The following SRSF5 variants were observed in gnomAD, a reference collection of about 807,000 sequenced individuals.
SRSF5 encodes serine and arginine rich splicing factor 5, also known as serine/arginine-rich splicing factor 5.
In SRSF5, 5 loss-of-function variants were observed where a neutral mutation model predicts 34.0. That is an observed-to-expected ratio of 0.15 (90% CI 0.08 to 0.31). SRSF5 has a LOEUF of 0.31. Among genes scored for constraint, SRSF5 ranks in the 10% least tolerant of loss-of-function variants. The pLI is 1.00. For missense variants in SRSF5, 223 were observed against 351.4 expected (o/e 0.63, Z 2.92); for synonymous variants, 164 against 117.7 (o/e 1.39, Z -2.55).
intron 5 of SRSF5, 174 bp downstream of exon 5, chr14:69,769,425 A>G: frequency 6.6e-7 from 1 of 1,522,450 alleles, no homozygotes; most frequent in Non-Finnish European, 8.8e-7. Context: ...CTTTAATATT[A>G]GTGATCAAAT....
At position 69,771,451 on chromosome 14, in the gene SRSF5, G is replaced by T. The variant is rs1883200831; in HGVS notation, c.809G>T (p.Ser270Ile). 1 of 1,613,954 alleles carries T rather than the reference G, an allele frequency of 6.2e-7. No individual in the cohort carries two copies. Among genetic ancestry groups the T allele is most frequent in the Non-Finnish European group, 8.5e-7 (1 of 1,179,934 alleles). ...RSRSRSRSVD[S>I]GN is the part of the protein sequence containing the mutation. ...CGATCAAGGTCCAGATCAGTTGACA[G>T]TGGCAATTAAACTGTAAATAACTTG... The change falls in exon 8 of 8, where the codon AGT (serine) becomes ATT (isoleucine). Residue 270 changes from serine to isoleucine, a missense_variant. Ser to Ile is a moderately radical substitution (Grantham distance 142). Coordinates refer to ENST00000557154, the MANE Select transcript of SRSF5 (RefSeq NM_001320214.2).
In SRSF5 at chr14:69,771,263, T is replaced by C. The variant is rs1011892741; in HGVS notation, c.621T>C (p.Arg207=). Residue 207 remains arginine (R), a synonymous_variant, in exon 8 of 8, where the codon CGT becomes CGC. Coordinates refer to ENST00000557154, the MANE Select transcript of SRSF5 (RefSeq NM_001320214.2). The part of the protein sequence containing the change: ...SSRSRSRSRS[R]SRKSYSRSRS... ...GGTCTCGTAGCCGATCCCGTTCCCG[T>C]AGTCGCAAATCTTACAGCCGGTCAA... The C allele has an allele frequency of 2.3e-5, 37 of 1,613,998 alleles. No individual in the cohort carries two copies. The highest frequency in any genetic ancestry group is 3.1e-5 in the Non-Finnish European group (36 of 1,180,028).
intron 1 of SRSF5, 90 bp from the exon 2 acceptor site, chr14:69,768,048 A>G (rs1882746371): frequency 2.1e-6 from 3 of 1,458,348 alleles, no homozygotes; most frequent in East Asian, 2.3e-5. Context: ...CTGTGTAAAC[A>G]TTTTATGCCG....
intron 4 of SRSF5, 128 bp from the exon 5 acceptor site, chr14:69,769,054 G>A: frequency 7.6e-7 from 1 of 1,324,002 alleles, no homozygotes; most frequent in East Asian, 2.4e-5. Context: ...ATGAGTCATA[G>A]AACACAAATC....
chr14:69,770,316 T>C lies in SRSF5; in HGVS notation c.367-151T>C, dbSNP rs986674647. The C allele has an allele frequency of 3.5e-6, 5 of 1,422,938 alleles. No homozygotes were observed. In the African/African-American group the frequency reaches 4.3e-5, roughly 12 times the overall value. 88.1% of individuals were successfully genotyped at this position (1,422,938 alleles called of 1,614,324 possible). A position where few individuals can be genotyped will look rare whatever the true frequency, so the allele number is the denominator to read the frequency against. ...TTCCGTGCCCTGACATAGATAATTT[T>C]TGAATTCTGATAGAATACAAGTGTG... On this transcript the variant is annotated intron_variant, in intron 5 of 7. Transcript: ENST00000557154.
chr14:69,768,057 C>T (rs1187518368), intron 1 of SRSF5, 81 bp from the exon 2 acceptor site: 33 of 1,486,254 alleles, frequency 2.2e-5, no homozygotes, highest in Non-Finnish European at 3.0e-5. Context: ...CATTTTATGC[C>T]GTTGATGTTT....
chr14:69,771,347 G>T lies in SRSF5; in HGVS notation c.705G>T (p.Val235=), dbSNP rs576306457. 6.2e-6 allele frequency: 10 copies of T among 1,614,170 alleles called. No homozygotes were observed. Among genetic ancestry groups the T allele is most frequent in the Middle Eastern group, 1.7e-4 (1 of 6,060 alleles). The part of the protein sequence containing the change: ...SKSRSVSRSP[V]PEKSQKRGSS... ...CCCGTTCTGTTAGTAGGTCTCCCGT[G>T]CCTGAGAAGAGCCAGAAACGTGGTT... Residue 235 remains valine, a synonymous_variant, in exon 8 of 8, where the codon GTG becomes GTT. Transcript: ENST00000557154.
At chr14:69,768,008 G>A (rs1161398443) in intron 1 of SRSF5, 130 bp from the exon 2 acceptor site, 7 of 1,030,764 alleles carry the variant, frequency 6.8e-6, no homozygotes, top group African/African-American at 1.6e-5. Context: ...CTCATTAGAG[G>A]CTCTGTTGGC....
In SRSF5 at chr14:69,769,203, A is replaced by G. The variant is rs770943028; in HGVS notation, c.318A>G (p.Thr106=). 1.2e-6 allele frequency: 2 copies of G among 1,614,220 alleles called. No individual in the cohort carries two copies. Among genetic ancestry groups the G allele is most frequent in the South Asian group, 2.2e-5 (2 of 91,086 alleles). Residue 106 remains threonine, a synonymous_variant, in exon 5 of 8, where the codon ACA becomes ACG. Coordinates refer to ENST00000557154, the MANE Select transcript of SRSF5 (RefSeq NM_001320214.2). ...TCAGAAATGCTCCACCTGTAAGAAC[A>G]GAAAATCGTCTTATAGTTGAGAATT... ...NDRRNAPPVR[T]ENRLIVENLS...
chr14:69,769,878 C>T (rs1349047197), intron 5 of SRSF5: 5 of 1,197,088 alleles, frequency 4.2e-6, no homozygotes, highest in Admixed American at 8.2e-5. Flanking sequence ...TGTCTGCATC[C>T]GCCAATAGTC....
chr14:69,770,257 G>T, intron 5 of SRSF5: 2 of 1,329,520 alleles, frequency 1.5e-6, no homozygotes, highest in Non-Finnish European at 9.6e-7. Context: ...ATTTCTTTTA[G>T]CATTTTGCTT....
At position 69,768,203 on chromosome 14, in the gene SRSF5, G is replaced by A; in HGVS notation, c.47G>A (p.Arg16Lys). ...VFIGRLNPAAREKDVERFFKG... is the reference protein window; with the variant it reads ...VFIGRLNPAAKEKDVERFFKG... ...ATCGGGAGACTAAATCCAGCGGCCA[G>A]GGAGAAGGACGTGGAAAGATTCTTC... Residue 16 changes from arginine (R) to lysine (K), a missense_variant, in exon 2 of 8, where the codon AGG (arginine) becomes AAG (lysine). Transcript: ENST00000557154. The A allele has an allele frequency of 5.6e-6, 9 of 1,614,226 alleles. No homozygotes were observed. Among genetic ancestry groups the A allele is most frequent in the Non-Finnish European group, 7.6e-6 (9 of 1,180,038 alleles).
chr14:69,771,025 A>G lies in SRSF5; in HGVS notation c.471A>G (p.Leu157=), dbSNP rs761446385. 6.2e-7 allele frequency: 1 copy of G among 1,613,842 alleles called. No individual in the cohort carries two copies. The highest frequency in any genetic ancestry group is 8.5e-7 in the Non-Finnish European group (1 of 1,179,930). The change falls in exon 7 of 8, where the codon TTA becomes TTG. Residue 157 remains leucine (L), a synonymous_variant. Coordinates refer to ENST00000557154, the MANE Select transcript of SRSF5 (RefSeq NM_001320214.2). The part of the protein sequence containing the change: ...GVVEFASYGD[L]KNAIEKLSGK... ...TTGAGTTTGCCTCTTATGGTGACTT[A>G]AAGAATGCTATTGAAAAACTTTCTG...
chr14:69,767,492 C>T (rs1422962973), intron 1 of SRSF5: 1 of 456,002 alleles, frequency 2.2e-6, no homozygotes, highest in Admixed American at 2.3e-5. Flanking sequence ...CCGTCCCTGC[C>T]AGTCTTAATG....
chr14:69,767,300 C>T (rs1371413934), intron 1 of SRSF5, 45 bp downstream of exon 1: 1 of 425,712 alleles, frequency 2.3e-6, no homozygotes, highest in South Asian at 1.7e-5. Flanking sequence ...ATCGAGGCTT[C>T]TTCATGGCCG....
At chr14:69,769,522 C>T (rs531343217) in intron 5 of SRSF5, 5 of 1,535,434 alleles carry the variant, frequency 3.3e-6, no homozygotes, top group African/African-American at 1.4e-5. Context: ...CTGTCTGTGT[C>T]GTTGGCCTTA....
At chr14:69,768,334 A>G in intron 2 of SRSF5, 52 bp downstream of exon 2, 1 of 1,604,074 alleles carries the variant, frequency 6.2e-7, no homozygotes, top group South Asian at 1.1e-5. Context: ...GAGTTTTGAT[A>G]AGCAGTTGTT....
At chr14:69,770,282 A>T in intron 5 of SRSF5, 185 bp from the exon 6 acceptor site, 2 of 1,393,648 alleles carry the variant, frequency 1.4e-6, no homozygotes, top group South Asian at 3.3e-5. Context: ...GCAATATGCT[A>T]TTTGCTTATT....
In SRSF5 at chr14:69,769,238, G is replaced by A; in HGVS notation, c.353G>A (p.Arg118Lys). Residue 118 changes from arginine to lysine, a missense_variant, in exon 5 of 8, where the codon AGA (arginine) becomes AAA (lysine). This residue lies in a region of SRSF5 where 37 missense variants were observed against 96.7 expected (regional missense o/e 0.38). Transcript: ENST00000557154. The part of the protein sequence containing the change: ...NRLIVENLSS[R>K]VSWQDLKDFM... ...CTTATAGTTGAGAATTTATCCTCAAGAGTCAGCTGGCAGGTTTGTTGAAAT... is the reference window on the plus strand; with the variant it reads ...CTTATAGTTGAGAATTTATCCTCAAAAGTCAGCTGGCAGGTTTGTTGAAAT... 6.2e-7 allele frequency: 1 copy of A among 1,614,160 alleles called. No homozygotes were observed. Among genetic ancestry groups the A allele is most frequent in the Non-Finnish European group, 8.5e-7 (1 of 1,180,008 alleles).
Sources: allele counts gnomAD v4.1 joint callset, GRCh38; gene constraint gnomAD v4.1.1; regional missense constraint gnomAD v4.1.1; transcripts MANE v1.5; gene names NCBI Gene and HGNC (gene_info 2026-07-23, HGNC 2026-07-21).